MOB3B: variants seen among roughly 807,000 people sequenced by gnomAD.
MOB3B encodes the protein MOB kinase activator 3B, also known as MOB kinase activator-like 2B.
MOB3B carries 7 observed loss-of-function variants against 18.7 expected under a neutral mutation model. That is an observed-to-expected ratio of 0.37 (90% CI 0.21 to 0.70). The LOEUF is 0.70. Among genes scored for constraint, MOB3B ranks in the 30% least tolerant of loss-of-function variants. MOB3B has a pLI of 0.52. For synonymous variants in MOB3B, 111 were observed against 99.9 expected, an observed-to-expected ratio of 1.11 and a Z score of -0.66; for missense variants, 253 against 281.3, an observed-to-expected ratio of 0.90 and a Z score of 0.72.
At chr9:27,509,282 G>A (rs1466406473) in intron 1 of MOB3B, among the ~76,000 whole-genome samples, 2 of 152,082 alleles carry the variant, frequency 1.3e-5, no homozygotes, top group East Asian at 3.9e-4. Flanking sequence ...GGAAGGAAGG[G>A]AGGAAGGAAG....
At chr9:27,522,587 A>G (rs953134413) in intron 1 of MOB3B, among the ~76,000 whole-genome samples, 1 of 151,860 alleles carries the variant, frequency 6.6e-6, no homozygotes, top group Non-Finnish European at 1.5e-5. Flanking sequence ...TATGTTTTCT[A>G]CTGATGGCTT....
intron 1 of MOB3B, among the ~76,000 whole-genome samples, chr9:27,498,980 A>G (rs1819945594): frequency 6.6e-6 from 1 of 152,258 alleles, no homozygotes; most frequent in Non-Finnish European, 1.5e-5. Context: ...AGATTTTTTA[A>G]GCACATTTTA....
chr9:27,510,798 C>T (rs921370871), intron 1 of MOB3B, among the ~76,000 whole-genome samples: 3 of 151,604 alleles, frequency 2.0e-5, no homozygotes, highest in Admixed American at 2.0e-4. Flanking sequence ...CTACCCACAG[C>T]CTGTCTCTCC....
intron 3 of MOB3B, among the ~76,000 whole-genome samples, chr9:27,341,547 A>G (rs1399896675): frequency 6.6e-6 from 1 of 152,228 alleles, no homozygotes; most frequent in East Asian, 1.9e-4. Flanking sequence ...GTAAATAGAC[A>G]TGAAACAAAA....
chr9:27,463,312 G>A (rs62542379), intron 1 of MOB3B, among the ~76,000 whole-genome samples: 3,696 of 152,174 alleles, frequency 0.024, 60 homozygotes, highest in Non-Finnish European at 0.035. Context: ...TACGCTTAAG[G>A]AAACTGAGAC....
At chr9:27,476,573 T>C (rs1164831742) in intron 1 of MOB3B, among the ~76,000 whole-genome samples, 1 of 152,220 alleles carries the variant, frequency 6.6e-6, no homozygotes, top group African/African-American at 2.4e-5. Context: ...TGTTTTCAAA[T>C]AAGGTCATGT....
At chr9:27,510,225 A>G (rs997070383) in intron 1 of MOB3B, among the ~76,000 whole-genome samples, 2 of 152,256 alleles carry the variant, frequency 1.3e-5, no homozygotes, top group African/African-American at 4.8e-5. Context: ...GCATTTTACA[A>G]TATAAAACAT....
intron 1 of MOB3B, among the ~76,000 whole-genome samples, chr9:27,457,273 T>C (rs1276343171): frequency 2.0e-5 from 3 of 152,242 alleles, no homozygotes; most frequent in Non-Finnish European, 4.4e-5. Context: ...GTGAAGGCTA[T>C]GTTCCGTGGC....
At chr9:27,448,193 G>T (rs193114177) in intron 2 of MOB3B, among the ~76,000 whole-genome samples, 225 of 152,334 alleles carry the variant, frequency 1.5e-3, no homozygotes, top group African/African-American at 5.3e-3. Flanking sequence ...CTGAAACTCA[G>T]TTCTGCCTGT....
chr9:27,502,788 T>C (rs1032781740), intron 1 of MOB3B, among the ~76,000 whole-genome samples: 1 of 152,204 alleles, frequency 6.6e-6, no homozygotes, highest in Non-Finnish European at 1.5e-5. Context: ...ACTAAATTCT[T>C]ACAGATGGGA....
chr9:27,441,332 C>T (rs188973335), intron 2 of MOB3B, among the ~76,000 whole-genome samples: 418 of 152,188 alleles, frequency 2.7e-3, no homozygotes, highest in African/African-American at 9.6e-3. Flanking sequence ...TTTTTCTTTC[C>T]TTAAGTCCTT....
At chr9:27,383,935 T>C (rs757337200) in intron 2 of MOB3B, among the ~76,000 whole-genome samples, 16 of 152,204 alleles carry the variant, frequency 1.1e-4, no homozygotes, top group Non-Finnish European at 2.1e-4. Context: ...AAGTGAATCA[T>C]AGTTAAATAA....
chr9:27,404,632 A>T (rs1386398887), intron 2 of MOB3B, among the ~76,000 whole-genome samples: 6 of 152,058 alleles, frequency 3.9e-5, no homozygotes, highest in Non-Finnish European at 8.8e-5. Flanking sequence ...TGCTGGATTT[A>T]CAGGCGTGAT....
At chr9:27,377,030 C>T (rs777192681) in intron 2 of MOB3B, among the ~76,000 whole-genome samples, 5 of 152,232 alleles carry the variant, frequency 3.3e-5, no homozygotes, top group Non-Finnish European at 5.9e-5. Flanking sequence ...ATGACTTAGC[C>T]TCTCTGAGGC....
At chr9:27,509,580 C>A (rs1054272987) in intron 1 of MOB3B, among the ~76,000 whole-genome samples, 3 of 151,630 alleles carry the variant, frequency 2.0e-5, no homozygotes. Flanking sequence ...CCATGCCTGG[C>A]TAATTTTTGT....
chr9:27,360,907 T>C (rs1278777453), intron 2 of MOB3B, among the ~76,000 whole-genome samples: 1 of 151,906 alleles, frequency 6.6e-6, no homozygotes, highest in Non-Finnish European at 1.5e-5. Context: ...GGGTTGAGGG[T>C]GCGGTAGAGC....
chr9:27,447,212 C>G (rs1006838851), intron 2 of MOB3B, among the ~76,000 whole-genome samples: 6 of 152,116 alleles, frequency 3.9e-5, no homozygotes, highest in Non-Finnish European at 7.3e-5. Context: ...AGAGGCAAGG[C>G]AGGGCACTGG....
chr9:27,349,446 C>A lies in MOB3B; in HGVS notation c.621+9588G>T, dbSNP rs146154007. ...TAATACTCGCTTGACATTTTTGGAG[C>A]CAAAGAATCTAATCTTATCTGGCCG... On this transcript the variant is annotated intron_variant, in intron 3 of 3. Coordinates refer to ENST00000262244, the MANE Select transcript of MOB3B (RefSeq NM_024761.5). 5.2e-3 allele frequency among the ~76,000 whole-genome samples: 789 copies of A among 152,210 alleles called. 3 individuals carry two copies. The highest frequency in any genetic ancestry group is 0.018 in the African/African-American group (749 of 41,520).
At chr9:27,351,057 C>G (rs1042536799) in intron 3 of MOB3B, among the ~76,000 whole-genome samples, 2 of 152,148 alleles carry the variant, frequency 1.3e-5, no homozygotes, top group African/African-American at 4.8e-5. Context: ...CACCTGACAC[C>G]ACGCCTGGCT....
Sources: gnomAD v4.1 joint callset for allele counts (sites outside exome capture counted in the v4.1 genomes callset) on GRCh38, gnomAD v4.1.1 for gene constraint, MANE v1.5 for transcripts, NCBI Gene and HGNC (gene_info 2026-07-23, HGNC 2026-07-21) for gene names.